The following NCKAP5 variants were observed in gnomAD, a reference collection of about 807,000 sequenced individuals.
The protein encoded by NCKAP5 is nck-associated protein 5.
Under a neutral mutation model 167.0 loss-of-function variants are expected in NCKAP5, and 92 were observed. That is an observed-to-expected ratio of 0.55 (90% CI 0.47 to 0.66). The LOEUF (loss-of-function observed/expected upper bound fraction) is 0.66, where lower values mean the gene tolerates loss of function less well. NCKAP5 is among the 30% of genes least tolerant of loss of function. NCKAP5 has a pLI of 0.00. For synonymous variants in NCKAP5, 891 were observed against 877.4 expected, an observed-to-expected ratio of 1.02 and a Z score of -0.27; for missense variants, 2,378 against 2,315.0, an observed-to-expected ratio of 1.03 and a Z score of -0.56.
chr2:133,539,161 C>T (rs1344211788), intron 2 of NCKAP5, among the ~76,000 whole-genome samples: 1 of 151,918 alleles, frequency 6.6e-6, no homozygotes, highest in Non-Finnish European at 1.5e-5. Flanking sequence ...AGGATGGTCT[C>T]GGTCTCCTGA....
intron 11 of NCKAP5, among the ~76,000 whole-genome samples, chr2:132,832,346 G>A (rs539995388): frequency 6.6e-6 from 1 of 152,040 alleles, no homozygotes; most frequent in South Asian, 2.1e-4. Context: ...AATCATTGCT[G>A]GCATGTAGAA....
rs114201304 is a variant in NCKAP5, at chr2:133,057,650, C to T, written c.342-63411G>A. Among the ~76,000 whole-genome samples the T allele has an allele frequency of 5.4e-3, 825 of 152,296 alleles. 2 individuals carry two copies. The highest frequency in any genetic ancestry group is 0.01 in the Middle Eastern group (3 of 294). Reference sequence around the variant, plus strand: ...GAAGTTGCAGAAGAAAAGTTTGAAGCTGGCATAGAGTAGTTCATGAGGTTT... The same window carrying T: ...GAAGTTGCAGAAGAAAAGTTTGAAGTTGGCATAGAGTAGTTCATGAGGTTT... On this transcript the variant is annotated intron_variant, in intron 6 of 19. Transcript: ENST00000409261.
intron 6 of NCKAP5, among the ~76,000 whole-genome samples, chr2:133,020,552 G>T (rs763500536): frequency 3.3e-5 from 5 of 152,238 alleles, no homozygotes; most frequent in Non-Finnish European, 5.9e-5. Flanking sequence ...TTTCACAGTA[G>T]CATCCACAGA....
intron 6 of NCKAP5, among the ~76,000 whole-genome samples, chr2:133,018,244 A>C (rs917259710): frequency 5.3e-5 from 8 of 152,120 alleles, no homozygotes; most frequent in African/African-American, 9.7e-5. Flanking sequence ...GCGCCTAGCA[A>C]TCGGGTTGTC....
intron 6 of NCKAP5, among the ~76,000 whole-genome samples, chr2:133,002,519 G>T (rs965488429): frequency 2.6e-5 from 4 of 152,194 alleles, no homozygotes; most frequent in African/African-American, 4.8e-5. Flanking sequence ...TGAAACCTCA[G>T]AAAAGGGGAA....
chr2:132,877,959 T>G (rs966860193), intron 9 of NCKAP5, among the ~76,000 whole-genome samples: 1 of 152,216 alleles, frequency 6.6e-6, no homozygotes, highest in Admixed American at 6.5e-5. Flanking sequence ...AATCTCCAAC[T>G]GAATTACTCA....
At position 132,784,474 on chromosome 2, in the gene NCKAP5, ATTGTGTGTTGGT is replaced by A. The variant is rs1445533911; in HGVS notation, c.2325_2336del (p.Lys775_His778del). On this transcript the variant is annotated inframe_deletion, in exon 14 of 20. Coordinates refer to ENST00000409261, the MANE Select transcript of NCKAP5 (RefSeq NM_207363.3). ...ACCTGGAATTACTCTGGCATGATAT[ATTGTGTGTTGGT>A]TTGACCAGCTTTTGCTGCTGAGGAT... 4 of 1,592,358 alleles carry A rather than the reference ATTGTGTGTTGGT, an allele frequency of 2.5e-6. No individual in the cohort carries two copies. The African/African-American group carries it at 5.4e-5, about 22-fold the overall frequency.
intron 11 of NCKAP5, among the ~76,000 whole-genome samples, chr2:132,843,385 T>C (rs953895455): frequency 1.3e-5 from 2 of 152,146 alleles, no homozygotes; most frequent in African/African-American, 2.4e-5. Flanking sequence ...GTTTTTGGTG[T>C]ATACAATTTT....
At chr2:133,013,020 C>T (rs2078216446) in intron 6 of NCKAP5, among the ~76,000 whole-genome samples, 1 of 152,162 alleles carries the variant, frequency 6.6e-6, no homozygotes, top group Admixed American at 6.5e-5. Context: ...ATTCTCACCC[C>T]TTATTATGCT....
In NCKAP5 at chr2:132,878,884, T is replaced by G. The variant is rs773683467; in HGVS notation, c.612A>C (p.Glu204Asp). The G allele has an allele frequency of 6.2e-7, 1 of 1,613,870 alleles. No homozygotes were observed. Among genetic ancestry groups the G allele is most frequent in the South Asian group, 1.1e-5 (1 of 91,066 alleles). ...AENSALALEN[E>D]NQREQYERCL... ...ATCGCTCATATTGTTCCCTTTGATT[T>G]TCATTCTCCAAAGCCAACGCTGAAT... The change falls in exon 9 of 20, where the codon GAA becomes GAC. Residue 204 changes from glutamate (E) to aspartate (D), a missense_variant. Transcript: ENST00000409261.
chr2:132,863,248 A>C (rs1363376522), intron 10 of NCKAP5, among the ~76,000 whole-genome samples: 1 of 152,204 alleles, frequency 6.6e-6, no homozygotes, highest in South Asian at 2.1e-4. Context: ...TAAGTAGTTA[A>C]TAAGACTTGA....
chr2:132,898,591 C>G (rs534977974), intron 8 of NCKAP5, among the ~76,000 whole-genome samples: 2 of 152,260 alleles, frequency 1.3e-5, no homozygotes, highest in African/African-American at 4.8e-5. Flanking sequence ...ACTTGAAAAT[C>G]AAAATTCCTT....
At chr2:133,532,258 T>C (rs1419841408) in intron 2 of NCKAP5, among the ~76,000 whole-genome samples, 1 of 152,214 alleles carries the variant, frequency 6.6e-6, no homozygotes, top group African/African-American at 2.4e-5. Flanking sequence ...GTATTAGTTG[T>C]CTTACATTTT....
intron 3 of NCKAP5, among the ~76,000 whole-genome samples, chr2:133,416,893 G>A (rs1053968820): frequency 6.6e-6 from 1 of 152,116 alleles, no homozygotes; most frequent in African/African-American, 2.4e-5. Context: ...AGGCTTCCAA[G>A]TGTAGCATCT....
chr2:133,247,102 G>C (rs2088040262), intron 4 of NCKAP5, among the ~76,000 whole-genome samples: 2 of 152,188 alleles, frequency 1.3e-5, no homozygotes, highest in Non-Finnish European at 2.9e-5. Flanking sequence ...AGTAATGTTA[G>C]TTTGTATTTT....
intron 3 of NCKAP5, among the ~76,000 whole-genome samples, chr2:133,355,820 A>G (rs955656759): frequency 7.9e-5 from 12 of 151,700 alleles, no homozygotes; most frequent in Non-Finnish European, 7.4e-5. Context: ...ACATATTTGC[A>G]TTTTCTTTTT....
chr2:133,510,704 C>A (rs1355675489), intron 3 of NCKAP5, among the ~76,000 whole-genome samples: 1 of 152,142 alleles, frequency 6.6e-6, no homozygotes, highest in South Asian at 2.1e-4. Context: ...TGTGAAGCAC[C>A]GTGAAGGAGC....
chr2:133,083,339 G>A (rs1002375629), intron 6 of NCKAP5, among the ~76,000 whole-genome samples: 3 of 152,072 alleles, frequency 2.0e-5, no homozygotes, highest in African/African-American at 7.2e-5. Context: ...CCACTCAGGG[G>A]CTTGCTCAGC....
chr2:133,526,543 C>T (rs1684943696), intron 2 of NCKAP5, among the ~76,000 whole-genome samples: 1 of 152,132 alleles, frequency 6.6e-6, no homozygotes, highest in Non-Finnish European at 1.5e-5. Flanking sequence ...CAGCTGATTT[C>T]CAGACACAAA....
Sources: gnomAD v4.1 joint callset for allele counts (sites outside exome capture counted in the v4.1 genomes callset) on GRCh38, gnomAD v4.1.1 for gene constraint, MANE v1.5 for transcripts, NCBI Gene and HGNC (gene_info 2026-07-23, HGNC 2026-07-21) for gene names.